DMD: variants seen among roughly 807,000 people sequenced by gnomAD.
The protein encoded by DMD is dystrophin, also known as mutant dystrophin.
In DMD, 63 loss-of-function variants were observed where a neutral mutation model predicts 330.1. The observed-to-expected ratio is 0.19, with a 90% CI of 0.16 to 0.24. The LOEUF is 0.24. Ranked by LOEUF, DMD falls within the 10% of genes least tolerant of loss-of-function variation. The pLI is 1.00. For synonymous variants in DMD, 1,223 were observed against 959.8 expected, an observed-to-expected ratio of 1.27 and a Z score of -5.07; for missense variants, 3,344 against 2,684.1, an observed-to-expected ratio of 1.25 and a Z score of -5.43.
At chrX:31,890,342 G>A (rs754483551) in intron 47 of DMD, among the ~76,000 whole-genome samples, 1 of 88,661 alleles carries the variant, frequency 1.1e-5, no homozygotes, top group Admixed American at 1.4e-4. Context: ...TGAGATTGTT[G>A]TTTCAAAAAA....
At chrX:31,578,394 G>A (rs766751776) in intron 55 of DMD, among the ~76,000 whole-genome samples, 126 of 111,922 alleles carry the variant, frequency 1.1e-3, no homozygotes, top group African/African-American at 4.0e-3. Context: ...TGCAGCCCAT[G>A]CCATCCTGCC....
chrX:32,373,648 C>T (rs762848657), intron 34 of DMD, among the ~76,000 whole-genome samples: 1 of 111,742 alleles, frequency 8.9e-6, no homozygotes, highest in African/African-American at 3.2e-5. Context: ...ATTTTCAGCC[C>T]ATGGGCTGTA....
intron 1 of DMD, among the ~76,000 whole-genome samples, chrX:33,131,740 C>G (rs192249191): frequency 8.9e-6 from 1 of 112,275 alleles, no homozygotes; most frequent in East Asian, 2.8e-4. Context: ...CACACCACCA[C>G]ATCCCCAGTT....
chrX:32,484,531 T>C (rs899313189), intron 21 of DMD, among the ~76,000 whole-genome samples: 1 of 112,208 alleles, frequency 8.9e-6, no homozygotes, highest in African/African-American at 3.2e-5. Flanking sequence ...TTCAGATAAA[T>C]TGACAGAAAT....
intron 44 of DMD, among the ~76,000 whole-genome samples, chrX:32,028,036 G>A (rs915658266): frequency 8.9e-6 from 1 of 112,281 alleles, no homozygotes. Flanking sequence ...GCAGGAGAGG[G>A]AGGGAGAGCC....
At chrX:32,483,001 A>G (rs897642885) in intron 21 of DMD, among the ~76,000 whole-genome samples, 4 of 107,255 alleles carry the variant, frequency 3.7e-5, no homozygotes, top group African/African-American at 1.3e-4. Flanking sequence ...TAATACGTCC[A>G]AAGTACTGTG....
In DMD at chrX:32,348,511, C is replaced by T; in HGVS notation, c.5343G>A (p.Lys1781=). 8.3e-7 allele frequency: 1 copy of T among 1,205,822 alleles called. No homozygotes were observed. Among genetic ancestry groups the T allele is most frequent in the Non-Finnish European group, 1.1e-6 (1 of 891,896 alleles). ...TATCTGAGTTAAACTGCTCCAATTC[C>T]TTCAAAGGAATGGAGGCCTAAAAAA... ...IKTGKASIPL[K]ELEQFNSDIQ... Residue 1781 remains lysine, a synonymous_variant, in exon 38 of 79, where the codon AAG becomes AAA. Coordinates refer to ENST00000357033, the MANE Select transcript of DMD (RefSeq NM_004006.3).
At chrX:33,190,872 TATATATA>T (rs1229583190) in intron 1 of DMD, among the ~76,000 whole-genome samples, 199 of 1,916 alleles carry the variant, frequency 0.1, 43 homozygotes, top group African/African-American at 0.23. Context: ...ATTATATATA[TATATATA>T]ATATATAATA....
intron 44 of DMD, among the ~76,000 whole-genome samples, chrX:31,996,620 A>T (rs1416778313): frequency 9.0e-6 from 1 of 111,644 alleles, no homozygotes; most frequent in African/African-American, 3.3e-5. Flanking sequence ...AAAACAAAAA[A>T]AGTGGGGCTT....
rs754035822 is a variant in DMD, at chrX:33,051,646, A to ATTTTTTTTTTTTTTTTTTTTT, written c.32-31447_32-31446insAAAAAAAAAAAAAAAAAAAAA. Among the ~76,000 whole-genome samples, 49 of 71,918 alleles carry ATTTTTTTTTTTTTTTTTTTTT rather than the reference A, an allele frequency of 6.8e-4. 7 individuals are homozygous for ATTTTTTTTTTTTTTTTTTTTT. The highest frequency in any genetic ancestry group is 2.9e-3 in the African/African-American group (45 of 15,367). The allele number at this position is 71,918 out of a possible 115,157, so 62.5% of individuals were successfully genotyped here. ...TAAGGAAAATATATAATTACGCTCT[A>ATTTTTTTTTTTTTTTTTTTTT]TTTTTTTTTTTTTTTTTTTGAGACG... is the stretch of plus-strand genomic sequence containing the variant. On this transcript the variant is annotated intron_variant, in intron 1 of 78. Transcript: ENST00000357033.
intron 1 of DMD, among the ~76,000 whole-genome samples, chrX:33,267,275 G>GA (rs997964098): frequency 2.2e-4 from 24 of 111,010 alleles, no homozygotes; most frequent in Admixed American, 1.3e-3. Flanking sequence ...AATAGCCAAA[G>GA]AAAATGAAAT....
rs1362645900 is a variant in DMD, at chrX:31,658,139, C to T, written c.7878G>A (p.Leu2626=). 8.3e-7 allele frequency: 1 copy of T among 1,209,217 alleles called. No individual in the cohort carries two copies. The highest frequency in any genetic ancestry group is 1.1e-6 in the Non-Finnish European group (1 of 894,658). Residue 2626 remains leucine (L), a synonymous_variant, in exon 54 of 79, where the codon TTG becomes TTA. Transcript: ENST00000357033. ...IQKKITETKQ[L]AKDLRQWQTN... is the part of the protein sequence containing the mutation. ...TCTGCCACTGGCGGAGGTCTTTGGC[C>T]AACTGCTATAGATTTTTATGAGAAA...
At chrX:32,579,103 T>C (rs1476673472) in intron 13 of DMD, among the ~76,000 whole-genome samples, 1 of 111,500 alleles carries the variant, frequency 9.0e-6, no homozygotes, top group African/African-American at 3.3e-5. Context: ...TCCTACTGAA[T>C]AGTGTTTAGC....
chrX:31,220,361 T>C (rs939434043), intron 64 of DMD, among the ~76,000 whole-genome samples: 2 of 111,570 alleles, frequency 1.8e-5, no homozygotes, highest in African/African-American at 6.5e-5. Context: ...CCACTTCCAC[T>C]GTGCCTCTAA....
chrX:32,517,796 G>C (rs940004428), intron 18 of DMD: 7 of 438,304 alleles, frequency 1.6e-5, no homozygotes, highest in Non-Finnish European at 2.4e-5. Flanking sequence ...TTTATGAAAG[G>C]CATCCCTAGT....
chrX:31,260,840 C>A, intron 63 of DMD, 115 bp downstream of exon 63: 1 of 677,813 alleles, frequency 1.5e-6, no homozygotes, highest in Non-Finnish European at 2.3e-6. Context: ...ACTGCTTTCA[C>A]CCTTGAAACA....
intron 1 of DMD, among the ~76,000 whole-genome samples, chrX:33,149,537 G>C (rs1054043429): frequency 6.2e-5 from 7 of 112,200 alleles, no homozygotes; most frequent in Non-Finnish European, 1.1e-4. Flanking sequence ...AAGAGCTGCT[G>C]TTCTAGTTTC....
At chrX:32,143,289 T>G (rs899045089) in intron 44 of DMD, among the ~76,000 whole-genome samples, 1 of 111,248 alleles carries the variant, frequency 9.0e-6, no homozygotes, top group African/African-American at 3.3e-5. Context: ...TCATAATAAT[T>G]TATTACTCTG....
chrX:31,531,521 T>C (rs2073827556), intron 55 of DMD, among the ~76,000 whole-genome samples: 1 of 77,401 alleles, frequency 1.3e-5, no homozygotes, highest in Admixed American at 1.7e-4. Flanking sequence ...TTTGATGGGG[T>C]TGTTTGTTTT....
Sources: allele counts gnomAD v4.1 joint callset (sites outside exome capture counted in the v4.1 genomes callset), GRCh38; gene constraint gnomAD v4.1.1; transcripts MANE v1.5; gene names NCBI Gene and HGNC (gene_info 2026-07-23, HGNC 2026-07-21).